Variants in CFAP61 observed in about 807,000 individuals in gnomAD.
The protein encoded by CFAP61 is cilia- and flagella-associated protein 61.
CFAP61 carries 107 observed loss-of-function variants against 135.6 expected under a neutral mutation model. The observed-to-expected ratio is 0.79, with a 90% CI of 0.67 to 0.93. CFAP61 has a LOEUF of 0.93. Among genes scored for constraint, CFAP61 ranks in the 40% least tolerant of loss-of-function variants. The pLI, the probability that CFAP61 is intolerant of heterozygous loss-of-function variation, is 0.00. For missense variants in CFAP61, 1,507 were observed against 1,556.2 expected (o/e 0.97, Z 0.53); for synonymous variants, 575 against 578.5 (o/e 0.99, Z 0.09).
chr20:20,068,090 C>G (rs187152047), intron 2 of CFAP61, among the ~76,000 whole-genome samples: 77 of 152,254 alleles, frequency 5.1e-4, no homozygotes, highest in Non-Finnish European at 9.3e-4. Context: ...TAAGACCCAA[C>G]CAGCATCCTG....
At chr20:20,263,662 T>C (rs1298851870) in intron 21 of CFAP61, among the ~76,000 whole-genome samples, 1 of 152,216 alleles carries the variant, frequency 6.6e-6, no homozygotes, top group Non-Finnish European at 1.5e-5. Flanking sequence ...TGCAAATGCC[T>C]CTGCCACTCA....
chr20:20,347,118 T>A (rs1488374612), intron 26 of CFAP61, among the ~76,000 whole-genome samples: 1 of 152,148 alleles, frequency 6.6e-6, no homozygotes, highest in East Asian at 1.9e-4. Flanking sequence ...ATTCACAAAT[T>A]TGTGGAAGTT....
At chr20:20,193,910 A>G (rs2056104069) in intron 15 of CFAP61, among the ~76,000 whole-genome samples, 1 of 152,182 alleles carries the variant, frequency 6.6e-6, no homozygotes, top group South Asian at 2.1e-4. Flanking sequence ...CCCCTGCGCC[A>G]GCCTCATTCT....
Position 20,288,906 on chromosome 20 carries a change from AT to A in CFAP61, c.3095del (p.Ile1032ThrfsTer43). ...TEPPANLDRL[I>X]PMYKGAKIQG... ...GCCACCAGCTAATCTTGACCGGCTC[AT>A]CCCCATGTACAAGGGAGCCAAGATT... On this transcript the variant is annotated frameshift_variant, in exon 23 of 27. Coordinates refer to ENST00000245957, the MANE Select transcript of CFAP61 (RefSeq NM_015585.4). LOFTEE classifies it high-confidence loss of function. 1 of 1,612,024 alleles carries A rather than the reference AT, an allele frequency of 6.2e-7. No homozygotes were observed. Among genetic ancestry groups the A allele is most frequent in the Non-Finnish European group, 8.5e-7 (1 of 1,178,176 alleles).
rs757085853 is a variant in CFAP61 at position 20,360,453 on chromosome 20, T to C, written c.*43T>C. On this transcript the variant is annotated 3_prime_UTR_variant, in exon 27 of 27. Transcript: ENST00000245957. ...CCTTTATGGTTTTCATTTATTTAGT[T>C]CCTGGAAACGCGCTCTGTAGAAATA... 1.9e-6 allele frequency: 3 copies of C among 1,555,768 alleles called. No individual in the cohort carries two copies. The highest frequency in any genetic ancestry group is 2.6e-6 in the Non-Finnish European group (3 of 1,133,292).
intron 6 of CFAP61, among the ~76,000 whole-genome samples, chr20:20,076,096 G>A (rs2046030491): frequency 6.6e-6 from 1 of 152,096 alleles, no homozygotes. Flanking sequence ...TCCAAAGATG[G>A]CTGCCACACT....
intron 7 of CFAP61, among the ~76,000 whole-genome samples, chr20:20,097,167 A>G (rs532414378): frequency 2.1e-4 from 31 of 151,206 alleles, no homozygotes; most frequent in African/African-American, 7.3e-4. Context: ...GTTTTAGGAG[A>G]TTAAAGCATT....
At chr20:20,114,384 T>C (rs1187060808) in intron 8 of CFAP61, among the ~76,000 whole-genome samples, 1 of 152,216 alleles carries the variant, frequency 6.6e-6, no homozygotes, top group African/African-American at 2.4e-5. Context: ...ATATTAAGCC[T>C]CCTAATCTCT....
intron 17 of CFAP61, chr20:20,200,821 CT>C (rs2146895404): frequency 1.0e-6 from 1 of 985,450 alleles, no homozygotes; most frequent in African/African-American, 1.7e-5. Flanking sequence ...GACCCAGAGC[CT>C]GTCTTACTTG....
At position 20,209,834 on chromosome 20, in the gene CFAP61, C is replaced by T. The variant is rs570168832; in HGVS notation, c.1932+9932C>T. Among the ~76,000 whole-genome samples the T allele has an allele frequency of 6.2e-4, 94 of 152,256 alleles. No individual in the cohort carries two copies. In the Middle Eastern group the frequency reaches 0.01, roughly 17 times the overall value. On this transcript the variant is annotated intron_variant, in intron 17 of 26. Transcript: ENST00000245957. ...GGGAGGAGGCTGGGAGGGGAGGTAC[C>T]TGCTGCTTGGGTAGTGCCTGTCCTC...
intron 26 of CFAP61, among the ~76,000 whole-genome samples, chr20:20,355,229 A>AAGGGGAGGTAGTCACACTGTG (rs2059045146): frequency 1.3e-5 from 1 of 78,180 alleles, no homozygotes; most frequent in African/African-American, 5.1e-5. Flanking sequence ...TGATCACACT[A>AAGGGGAGGTAGTCACACTGTG]AGGGGAGGTG....
chr20:20,273,896 T>C (rs573609262), intron 21 of CFAP61, among the ~76,000 whole-genome samples: 1 of 152,220 alleles, frequency 6.6e-6, no homozygotes, highest in Non-Finnish European at 1.5e-5. Flanking sequence ...GGCCTTGACA[T>C]GGGCTCTTCA....
chr20:20,334,136 T>C (rs904500475), intron 25 of CFAP61, among the ~76,000 whole-genome samples: 1 of 150,906 alleles, frequency 6.6e-6, no homozygotes, highest in Non-Finnish European at 1.5e-5. Flanking sequence ...AACTTCTTCT[T>C]TTTTTTTTGA....
chr20:20,308,320 G>A (rs562601163), intron 25 of CFAP61, among the ~76,000 whole-genome samples: 8 of 152,256 alleles, frequency 5.3e-5, no homozygotes, highest in South Asian at 2.1e-4. Flanking sequence ...TATCAGATGC[G>A]TGCTCAGTGA....
intron 2 of CFAP61, among the ~76,000 whole-genome samples, chr20:20,059,326 CAAAAAAA>C (rs11458923): frequency 6.6e-5 from 3 of 45,482 alleles, no homozygotes; most frequent in African/African-American, 8.4e-5. Flanking sequence ...GACTCTGTCT[CAAAAAAA>C]AAAAAAAAAA....
intron 26 of CFAP61, among the ~76,000 whole-genome samples, chr20:20,344,959 G>A (rs1380123645): frequency 3.3e-5 from 5 of 152,164 alleles, no homozygotes; most frequent in Non-Finnish European, 7.4e-5. Flanking sequence ...CAACATGGAT[G>A]GAACTAGAGG....
chr20:20,215,792 T>A (rs746431795), intron 17 of CFAP61, among the ~76,000 whole-genome samples: 15 of 152,120 alleles, frequency 9.9e-5, no homozygotes, highest in African/African-American at 1.4e-4. Flanking sequence ...CAAGAGGAAA[T>A]TATTATAGAA....
At chr20:20,295,242 A>C (rs1448007878) in intron 24 of CFAP61, among the ~76,000 whole-genome samples, 1 of 152,176 alleles carries the variant, frequency 6.6e-6, no homozygotes, top group African/African-American at 2.4e-5. Flanking sequence ...TGTAAGCTGA[A>C]GGTGGGGGAT....
rs1223762839 is a variant in CFAP61 at position 20,329,904 on chromosome 20, A to G, written c.3423-11927A>G. ...AGCTCCCGCCTGCTCTAGTGCAGCC[A>G]TCATCCCACAGTATTGTACCGTATT... is the stretch of plus-strand genomic sequence containing the variant. On this transcript the variant is annotated intron_variant, in intron 25 of 26. Coordinates refer to ENST00000245957, the MANE Select transcript of CFAP61 (RefSeq NM_015585.4). Among the ~76,000 whole-genome samples, 3 of 152,336 alleles carry G rather than the reference A, an allele frequency of 2.0e-5. No individual in the cohort carries two copies. In the East Asian group the frequency reaches 5.8e-4, roughly 29 times the overall value.
Sources: allele counts gnomAD v4.1 joint callset (sites outside exome capture counted in the v4.1 genomes callset), GRCh38; gene constraint gnomAD v4.1.1; transcripts MANE v1.5; gene names NCBI Gene and HGNC (gene_info 2026-07-23, HGNC 2026-07-21).